CNTD1: variants seen among roughly 807,000 people sequenced by gnomAD.
The protein encoded by CNTD1 is cyclin N-terminal domain containing 1.
Under a neutral mutation model 36.3 loss-of-function variants are expected in CNTD1, and 17 were observed. The observed-to-expected ratio is 0.47, with a 90% confidence interval of 0.32 to 0.70. The LOEUF is 0.70. CNTD1 is among the 30% of genes least tolerant of loss of function. The pLI, the probability that CNTD1 is intolerant of heterozygous loss-of-function variation, is 0.03. For missense variants in CNTD1, 338 were observed against 386.1 expected (o/e 0.88, Z 1.04); for synonymous variants, 128 against 153.3 (o/e 0.83, Z 1.22).
Position 42,810,706 on chromosome 17 carries a change from C to T in CNTD1, c.*1171C>T. The T allele has an allele frequency of 1.3e-6, 2 of 1,501,536 alleles. No individual in the cohort carries two copies. Among genetic ancestry groups the T allele is most frequent in the South Asian group, 1.3e-5 (1 of 75,764 alleles). 93.0% of individuals were successfully genotyped at this position (1,501,536 alleles called of 1,614,324 possible). A position where few individuals can be genotyped will look rare whatever the true frequency, so the allele number is the denominator to read the frequency against. On this transcript the variant is annotated 3_prime_UTR_variant, in exon 7 of 7. Coordinates refer to ENST00000588408, the MANE Select transcript of CNTD1 (RefSeq NM_173478.3). ...CCGAATTTAATTTAAAACATGTTTG[C>T]AAACAAAACAAAATTAAAAGCCTTT...
rs749615315 is a variant in CNTD1, at chr17:42,811,016, G to A, written c.*1481G>A. On this transcript the variant is annotated 3_prime_UTR_variant, in exon 7 of 7. Transcript: ENST00000588408. ...GGGACTTGATCATGGGACCATTCACGTCATTTTATCTATTAAAGAACACTT... is the reference window on the plus strand; with the variant it reads ...GGGACTTGATCATGGGACCATTCACATCATTTTATCTATTAAAGAACACTT... 9.1e-6 allele frequency: 12 copies of A among 1,323,700 alleles called. No homozygotes were observed. The Middle Eastern group carries it at 6.6e-4, about 73-fold the overall frequency. 82.0% of individuals were successfully genotyped at this position (1,323,700 alleles called of 1,614,324 possible).
intron 6 of CNTD1, among the ~76,000 whole-genome samples, chr17:42,808,274 C>G (rs574499862): frequency 6.6e-6 from 1 of 151,958 alleles, no homozygotes; most frequent in Non-Finnish European, 1.5e-5. Context: ...CATGGCTGGG[C>G]GCAGTGGCTC....
Position 42,799,051 on chromosome 17 carries a change from C to T in CNTD1, c.-17C>T. 1 of 1,612,980 alleles carries T rather than the reference C, an allele frequency of 6.2e-7. No homozygotes were observed. Among genetic ancestry groups the T allele is most frequent in the Non-Finnish European group, 8.5e-7 (1 of 1,179,502 alleles). On this transcript the variant is annotated 5_prime_UTR_variant, in exon 1 of 7. Coordinates refer to ENST00000588408, the MANE Select transcript of CNTD1 (RefSeq NM_173478.3). ...GATCCAGTGAACCCGTCCAGGTGCCCCAAGAGGCTCGTGAATATGGACGGA... is the reference window on the plus strand; with the variant it reads ...GATCCAGTGAACCCGTCCAGGTGCCTCAAGAGGCTCGTGAATATGGACGGA...
At chr17:42,806,927 A>G in intron 5 of CNTD1, 109 bp downstream of exon 5, 1 of 992,640 alleles carries the variant, frequency 1.0e-6, no homozygotes, top group Non-Finnish European at 1.5e-6. Flanking sequence ...GTCCCAGATA[A>G]CCTACTCAGG....
At chr17:42,804,469 G>A in intron 3 of CNTD1, 73 bp downstream of exon 3, 1 of 1,279,352 alleles carries the variant, frequency 7.8e-7, no homozygotes, top group South Asian at 1.3e-5. Context: ...GGGGGGCTGT[G>A]ATGAGCTTCA....
chr17:42,802,195 C>T (rs890084191), intron 1 of CNTD1, among the ~76,000 whole-genome samples: 1 of 151,674 alleles, frequency 6.6e-6, no homozygotes, highest in Admixed American at 6.6e-5. Context: ...AGGACAATCC[C>T]GTCTATTTAT....
chr17:42,801,812 G>T (rs2039393553), intron 1 of CNTD1, among the ~76,000 whole-genome samples: 1 of 151,960 alleles, frequency 6.6e-6, no homozygotes, highest in African/African-American at 2.4e-5. Flanking sequence ...AACACTTTGT[G>T]TTCAGGGAAT....
At chr17:42,800,021 G>C (rs1228849832) in intron 1 of CNTD1, among the ~76,000 whole-genome samples, 1 of 145,444 alleles carries the variant, frequency 6.9e-6, no homozygotes, top group East Asian at 2.0e-4. Context: ...CTGAGATGGC[G>C]CCACTACACT....
At chr17:42,804,466 T>C in intron 3 of CNTD1, 70 bp downstream of exon 3, 1 of 1,309,510 alleles carries the variant, frequency 7.6e-7, no homozygotes, top group Non-Finnish European at 1.1e-6. Context: ...AAAGGGGGGC[T>C]GTGATGAGCT....
intron 1 of CNTD1, among the ~76,000 whole-genome samples, chr17:42,801,716 T>C (rs1376074819): frequency 6.6e-6 from 1 of 151,618 alleles, no homozygotes; most frequent in African/African-American, 2.4e-5. Flanking sequence ...TCAAGTTATC[T>C]TCACAATGAT....
At chr17:42,799,974 G>A (rs1165042221) in intron 1 of CNTD1, among the ~76,000 whole-genome samples, 1 of 148,748 alleles carries the variant, frequency 6.7e-6, no homozygotes, top group Non-Finnish European at 1.5e-5. Flanking sequence ...TGAGGGAGGA[G>A]AATGGCATGA....
chr17:42,809,325 A>C (rs189430873), intron 6 of CNTD1, 40 bp from the exon 7 acceptor site: 2 of 1,563,030 alleles, frequency 1.3e-6, no homozygotes, highest in Non-Finnish European at 1.8e-6. Flanking sequence ...AAATGTGTTG[A>C]GATTTTTTAG....
At chr17:42,808,753 C>A (rs964608169) in intron 6 of CNTD1, among the ~76,000 whole-genome samples, 21 of 150,596 alleles carry the variant, frequency 1.4e-4, no homozygotes, top group African/African-American at 4.9e-4. Flanking sequence ...AACAAAACAA[C>A]AACAACAACA....
intron 1 of CNTD1, among the ~76,000 whole-genome samples, chr17:42,803,131 G>A (rs1378972129): frequency 6.6e-6 from 1 of 152,238 alleles, no homozygotes; most frequent in Non-Finnish European, 1.5e-5. Context: ...AGCAATGGGA[G>A]TTCTCCAGAG....
Position 42,810,600 on chromosome 17 carries a change from G to A in CNTD1, c.*1065G>A, listed in dbSNP as rs2054975519. On this transcript the variant is annotated 3_prime_UTR_variant, in exon 7 of 7. Transcript: ENST00000588408. ...CATGTTGTAGCTCTGGAAAGTATCT[G>A]TCACATGATATTTTAAAATAAAGTG... 1.4e-6 allele frequency: 1 copy of A among 734,654 alleles called. No individual in the cohort carries two copies. Among genetic ancestry groups the A allele is most frequent in the Non-Finnish European group, 2.0e-6 (1 of 491,860 alleles). 45.5% of individuals were successfully genotyped at this position (734,654 alleles called of 1,614,324 possible).
At chr17:42,808,030 G>T in intron 6 of CNTD1, 166 bp downstream of exon 6, 1 of 535,766 alleles carries the variant, frequency 1.9e-6, no homozygotes, top group Admixed American at 3.5e-5. Context: ...GGGCTGAAAT[G>T]TTTCCTTGTT....
In CNTD1 at chr17:42,809,682, C is replaced by G; in HGVS notation, c.*147C>G. The G allele has an allele frequency of 1.4e-6, 1 of 721,082 alleles. No homozygotes were observed. The highest frequency in any genetic ancestry group is 2.2e-6 in the Non-Finnish European group (1 of 451,284). 44.7% of individuals were successfully genotyped at this position (721,082 alleles called of 1,614,324 possible). On this transcript the variant is annotated 3_prime_UTR_variant, in exon 7 of 7. Transcript: ENST00000588408. ...AATTTCATGCTTATTTTTCCTTTAT[C>G]AGAGAGAGTTAAGGTGGACGAGCAT...
chr17:42,804,716 G>C, intron 3 of CNTD1, among the ~76,000 whole-genome samples: 1 of 152,096 alleles, frequency 6.6e-6, no homozygotes, highest in East Asian at 1.9e-4. Flanking sequence ...GCTGAGGCAG[G>C]AGAATTGCTT....
chr17:42,806,619 T>C, intron 4 of CNTD1, 55 bp from the exon 5 acceptor site: 1 of 1,567,264 alleles, frequency 6.4e-7, no homozygotes, highest in Non-Finnish European at 8.8e-7. Flanking sequence ...ACTGTGGTTA[T>C]GATCAGAGAA....
Sources: gnomAD v4.1 joint callset for allele counts (sites outside exome capture counted in the v4.1 genomes callset) on GRCh38, gnomAD v4.1.1 for gene constraint, MANE v1.5 for transcripts, NCBI Gene and HGNC (gene_info 2026-07-23, HGNC 2026-07-21) for gene names.